The following PRSS23 variants were observed in gnomAD, a reference collection of about 807,000 sequenced individuals.
The protein encoded by PRSS23 is protease, serine 23.
Under a neutral mutation model 34.7 loss-of-function variants are expected in PRSS23, and 25 were observed. That is an observed-to-expected ratio of 0.72 (90% CI 0.53 to 1.01). The LOEUF (loss-of-function observed/expected upper bound fraction) is 1.01, where lower values mean the gene tolerates loss of function less well. Ranked by LOEUF, PRSS23 falls within the 50% of genes least tolerant of loss-of-function variation. The pLI, the probability that PRSS23 is intolerant of heterozygous loss-of-function variation, is 0.00. For synonymous variants in PRSS23, 176 were observed against 186.6 expected, an observed-to-expected ratio of 0.94 and a Z score of 0.46; for missense variants, 445 against 475.6, an observed-to-expected ratio of 0.94 and a Z score of 0.60.
intron 2 of PRSS23, among the ~76,000 whole-genome samples, chr11:86,938,692 G>C (rs1027453415): frequency 5.3e-5 from 8 of 150,496 alleles, no homozygotes; most frequent in Non-Finnish European, 1.0e-4. Context: ...GTGGTGCAAG[G>C]AGGCCAGATA....
intron 2 of PRSS23, among the ~76,000 whole-genome samples, chr11:86,899,275 T>G (rs10128549): frequency 0.071 from 10,859 of 152,002 alleles, 391 homozygotes; most frequent in African/African-American, 0.08. Flanking sequence ...TACCAGAACT[T>G]TGGGAGGCTG....
chr11:86,911,969 G>C (rs1948981304), intron 2 of PRSS23: 1 of 152,186 alleles, frequency 6.6e-6, no homozygotes, highest in South Asian at 2.1e-4. Flanking sequence ...CAGAGACAGG[G>C]TTTCCCTATG....
chr11:86,945,656 A>G (rs1300108884), intron 2 of PRSS23: 1 of 152,652 alleles, frequency 6.6e-6, no homozygotes, highest in Non-Finnish European at 1.5e-5. Flanking sequence ...TACTTTCAGA[A>G]ATATGCCAAG....
In PRSS23 at chr11:86,809,001, C is replaced by G. The variant is rs1948145729; in HGVS notation, c.*206C>G. ...CTGGTTTGTGTATCATATCATATAT[C>G]ATTTAAGCAGTTTGAAGGCATACTT... On this transcript the variant is annotated 3_prime_UTR_variant, in exon 2 of 2. Transcript: ENST00000280258. The G allele has an allele frequency of 2.1e-6, 1 of 478,648 alleles. No homozygotes were observed. The highest frequency in any genetic ancestry group is 3.7e-6 in the Non-Finnish European group (1 of 267,164). The allele number at this position is 478,648 out of a possible 1,614,324, so 29.7% of individuals were successfully genotyped here.
chr11:86,927,456 C>T (rs1949089196), intron 2 of PRSS23, among the ~76,000 whole-genome samples: 1 of 152,190 alleles, frequency 6.6e-6, no homozygotes, highest in Non-Finnish European at 1.5e-5. Flanking sequence ...ACTAGCCCAA[C>T]AGTAATACTG....
intron 2 of PRSS23, chr11:86,934,113 G>T (rs10898559): frequency 0.62 from 94,566 of 151,650 alleles, 29,954 homozygotes; most frequent in Non-Finnish European, 0.69. Flanking sequence ...CCCCCAGTTC[G>T]GAATGGGAAA....
At chr11:86,834,531 C>CTTTCCTT (rs1555072544) in intron 2 of PRSS23, among the ~76,000 whole-genome samples, 1 of 138,952 alleles carries the variant, frequency 7.2e-6, no homozygotes, top group African/African-American at 2.7e-5. Context: ...CTTTCCTTTC[C>CTTTCCTT]TTTCCTTTCC....
chr11:86,862,785 G>A (rs1948624839), intron 2 of PRSS23, among the ~76,000 whole-genome samples: 1 of 151,840 alleles, frequency 6.6e-6, no homozygotes, highest in Non-Finnish European at 1.5e-5. Flanking sequence ...ATGACACAGG[G>A]TGTGTACACT....
At chr11:86,796,019 T>C (rs1159472637), upstream of PRSS23, among the ~76,000 whole-genome samples, 1 of 152,214 alleles carries the variant, frequency 6.6e-6, no homozygotes, top group Admixed American at 6.5e-5. Flanking sequence ...TTCAGTCCCA[T>C]CTTGTTTCCT....
At chr11:86,819,413 G>C (rs1338690520) in intron 1 of PRSS23, among the ~76,000 whole-genome samples, 2 of 152,164 alleles carry the variant, frequency 1.3e-5, no homozygotes, top group East Asian at 3.9e-4. Context: ...CACCTACACT[G>C]CTATATATAA....
intron 2 of PRSS23, among the ~76,000 whole-genome samples, chr11:86,865,971 C>A (rs1167962885): frequency 6.6e-6 from 1 of 152,176 alleles, no homozygotes; most frequent in Non-Finnish European, 1.5e-5. Flanking sequence ...ATCATTTCTT[C>A]CATTTTACAG....
chr11:86,832,729 C>T, intron 2 of PRSS23: 1 of 300,504 alleles, frequency 3.3e-6, no homozygotes. Context: ...ACAGGGGAGA[C>T]CCACAGGTGG....
rs190690143 is a variant in PRSS23 at position 86,854,303 on chromosome 11, A to G, written c.206+30710A>G. Among the ~76,000 whole-genome samples, 360 of 152,138 alleles carry G rather than the reference A, an allele frequency of 2.4e-3. 3 individuals carry two copies. The highest frequency in any genetic ancestry group is 8.2e-3 in the African/African-American group (341 of 41,506). ...GTGTGAGCCCCCGCACCTGGCCGCT[A>G]TATCTTCTTTAGGGACATGTCTACT... On this transcript the variant is annotated intron_variant, in intron 2 of 2. Transcript: ENST00000533902.
chr11:86,883,254 A>T (rs932283706), intron 2 of PRSS23, among the ~76,000 whole-genome samples: 1 of 152,198 alleles, frequency 6.6e-6, no homozygotes, highest in African/African-American at 2.4e-5. Flanking sequence ...TACTACAGGG[A>T]TACAGTAACC....
intron 2 of PRSS23, among the ~76,000 whole-genome samples, chr11:86,919,343 G>A (rs146153404): frequency 6.6e-6 from 1 of 152,354 alleles, no homozygotes; most frequent in East Asian, 1.9e-4. Context: ...ATTCAAGCCT[G>A]CCACAGACGG....
At chr11:86,934,931 A>C (rs1007657743) in intron 2 of PRSS23, 1 of 152,266 alleles carries the variant, frequency 6.6e-6, no homozygotes, top group African/African-American at 2.4e-5. Flanking sequence ...CCACAAGTAT[A>C]TTCTAGCTCC....
At chr11:86,880,686 C>T (rs979915960) in intron 2 of PRSS23, among the ~76,000 whole-genome samples, 11 of 152,122 alleles carry the variant, frequency 7.2e-5, no homozygotes, top group Admixed American at 7.2e-4. Flanking sequence ...TGTTGTTCCC[C>T]TCCCTGTGTC....
intron 2 of PRSS23, among the ~76,000 whole-genome samples, chr11:86,826,541 T>C (rs1293202017): frequency 1.3e-5 from 2 of 151,960 alleles, no homozygotes; most frequent in East Asian, 1.9e-4. Context: ...TGAATAGGAG[T>C]GGTGAGAGAG....
At chr11:86,855,415 C>G (rs1948562407) in intron 2 of PRSS23, among the ~76,000 whole-genome samples, 1 of 152,126 alleles carries the variant, frequency 6.6e-6, no homozygotes, top group Non-Finnish European at 1.5e-5. Context: ...ACCCAATTAT[C>G]CACTTCTCTC....
Sources: allele counts gnomAD v4.1 joint callset (sites outside exome capture counted in the v4.1 genomes callset), GRCh38; gene constraint gnomAD v4.1.1; transcripts MANE v1.5; gene names NCBI Gene and HGNC (gene_info 2026-07-23, HGNC 2026-07-21).